The following PLEKHM2 variants were observed in gnomAD, a reference collection of about 807,000 sequenced individuals.
The protein encoded by PLEKHM2 is pleckstrin homology and RUN domain containing M2.
Under a neutral mutation model 116.3 loss-of-function variants are expected in PLEKHM2, and 77 were observed. The observed-to-expected ratio is 0.66, with a 90% CI of 0.55 to 0.80. The LOEUF is 0.80. Ranked by LOEUF, PLEKHM2 falls within the 30% of genes least tolerant of loss-of-function variation. The pLI, the probability that PLEKHM2 is intolerant of heterozygous loss-of-function variation, is 0.00. For missense variants in PLEKHM2, 1,183 were observed against 1,354.9 expected (o/e 0.87, Z 1.99); for synonymous variants, 562 against 571.0 (o/e 0.98, Z 0.22).
At chr1:15,732,587 C>T (rs1296457211) in intron 18 of PLEKHM2, 25 bp from the exon 19 acceptor site, 10 of 1,597,304 alleles carry the variant, frequency 6.3e-6, no homozygotes, top group South Asian at 1.1e-5. Context: ...TCTGGCTGCT[C>T]ACCCGGGGGC....
chr1:15,702,770 G>A lies in PLEKHM2; in HGVS notation c.61-13467G>A, dbSNP rs930926110. Among the ~76,000 whole-genome samples, 5 of 143,702 alleles carry A rather than the reference G, an allele frequency of 3.5e-5. No individual in the cohort carries two copies. In the East Asian group the frequency reaches 1.0e-3, roughly 29 times the overall value. The allele number at this position is 143,702 out of a possible 152,430, so 94.3% of individuals were successfully genotyped here. On this transcript the variant is annotated intron_variant, in intron 1 of 19. Transcript: ENST00000375799. ...GGGTCTCACTCTGTTGCCCAGGCTG[G>A]AGTACAGAGGTGTGATCATGGCACA...
At chr1:15,692,189 T>C (rs1640902494) in intron 1 of PLEKHM2, among the ~76,000 whole-genome samples, 1 of 152,168 alleles carries the variant, frequency 6.6e-6, no homozygotes, top group Admixed American at 6.5e-5. Flanking sequence ...GTAAAAATTG[T>C]ATTGACTATT....
At position 15,684,587 on chromosome 1, in the gene PLEKHM2, T is replaced by A; in HGVS notation, c.29T>A (p.Ile10Asn). 2 of 1,312,980 alleles carry A rather than the reference T, an allele frequency of 1.5e-6. No homozygotes were observed. The highest frequency in any genetic ancestry group is 2.0e-6 in the Non-Finnish European group (2 of 1,017,852). The allele number at this position is 1,312,980 out of a possible 1,614,324, so 81.3% of individuals were successfully genotyped here. Residue 10 changes from isoleucine (I) to asparagine (N), a missense_variant, in exon 1 of 20, where the codon ATC becomes AAC. This residue lies in a region of PLEKHM2 where 217 missense variants were observed against 277.6 expected (regional missense o/e 0.78). Transcript: ENST00000375799. MEPGEVKDRILENISLSVKK... is the reference protein window; with the variant it reads MEPGEVKDRNLENISLSVKK... ...GAGCCGGGGGAGGTGAAGGACCGGA[T>A]CCTGGAGAACATCTCGCTGTCGGTG... is the stretch of plus-strand genomic sequence containing the variant.
Position 15,734,347 on chromosome 1 carries a change from C to T in PLEKHM2, c.*413C>T. On this transcript the variant is annotated 3_prime_UTR_variant, in exon 20 of 20. Coordinates refer to ENST00000375799, the MANE Select transcript of PLEKHM2 (RefSeq NM_015164.4). ...GGGTTGGGGGCTGGGGCCCTGAGTG[C>T]CCAGCCATCCTTGTTCGTGTTTGAA... The T allele has an allele frequency of 5.6e-6, 1 of 178,568 alleles. No individual in the cohort carries two copies. Among genetic ancestry groups the T allele is most frequent in the Non-Finnish European group, 1.2e-5 (1 of 85,566 alleles). 11.1% of individuals were successfully genotyped at this position (178,568 alleles called of 1,614,324 possible).
rs1436478305 is a variant in PLEKHM2 at position 15,729,986 on chromosome 1, C to T, written c.2208+57C>T. On this transcript the variant is annotated intron_variant, in intron 14 of 19. Coordinates refer to ENST00000375799, the MANE Select transcript of PLEKHM2 (RefSeq NM_015164.4). This position sits in a 1 kb window ranked among gnomAD's most constrained non-coding sequence, Gnocchi z 4.7. ...CCCTGAGATGGCAGAGCAGCAGCCGCCTTGGCGTGAGCGTTAAGGGATGCA... is the reference window on the plus strand; with the variant it reads ...CCCTGAGATGGCAGAGCAGCAGCCGTCTTGGCGTGAGCGTTAAGGGATGCA... The T allele has an allele frequency of 7.2e-7, 1 of 1,396,562 alleles. No individual in the cohort carries two copies. The highest frequency in any genetic ancestry group is 9.6e-7 in the Non-Finnish European group (1 of 1,046,646). The allele number at this position is 1,396,562 out of a possible 1,614,324, so 86.5% of individuals were successfully genotyped here.
intron 1 of PLEKHM2, among the ~76,000 whole-genome samples, chr1:15,695,214 C>G (rs1397551917): frequency 6.6e-6 from 1 of 152,102 alleles, no homozygotes; most frequent in Non-Finnish European, 1.5e-5. Flanking sequence ...TCTGAGAAAC[C>G]CAATATTATG....
In PLEKHM2 at chr1:15,721,038, T is replaced by C. The variant is rs1009525837; in HGVS notation, c.653-291T>C. The C allele has an allele frequency of 2.1e-5, 8 of 378,756 alleles. No homozygotes were observed. The highest frequency in any genetic ancestry group is 4.6e-5 in the Admixed American group (1 of 21,854). 23.5% of individuals were successfully genotyped at this position (378,756 alleles called of 1,614,324 possible). On this transcript the variant is annotated intron_variant, in intron 6 of 19. Coordinates refer to ENST00000375799, the MANE Select transcript of PLEKHM2 (RefSeq NM_015164.4). The surrounding 1 kb of genome is among the most constrained non-coding windows in gnomAD (Gnocchi z 5.1). ...GCACGTAAGAGGTAGAAAACAAAGC[T>C]AGGCACAGGCAGCCAGGCTTCTCTC...
chr1:15,700,694 C>A (rs1268781082), intron 1 of PLEKHM2, among the ~76,000 whole-genome samples: 1 of 152,194 alleles, frequency 6.6e-6, no homozygotes, highest in Admixed American at 6.5e-5. Context: ...TCTAAGGGCT[C>A]TTCTGCTCTT....
intron 1 of PLEKHM2, among the ~76,000 whole-genome samples, chr1:15,701,880 G>A (rs1471150900): frequency 6.6e-5 from 10 of 152,180 alleles, no homozygotes; most frequent in African/African-American, 4.8e-5. Context: ...GATGGATGTC[G>A]AGCACTGGCC....
intron 15 of PLEKHM2, 91 bp from the exon 16 acceptor site, chr1:15,731,101 A>G (rs191101582): frequency 2.2e-6 from 2 of 903,450 alleles, no homozygotes; most frequent in Admixed American, 2.0e-5. Flanking sequence ...TGGCCGCAGC[A>G]TGTGCGTGGG....
chr1:15,719,596 T>C lies in PLEKHM2; in HGVS notation c.466-138T>C, dbSNP rs942401782. ...ATTCACATTGCTCTTCTTAGCAGCT[T>C]TTCTTTGAATTTACTACCTTAAGCC... On this transcript the variant is annotated intron_variant, in intron 5 of 19. Coordinates refer to ENST00000375799, the MANE Select transcript of PLEKHM2 (RefSeq NM_015164.4). This position sits in a 1 kb window ranked among gnomAD's most constrained non-coding sequence, Gnocchi z 4.1. The C allele has an allele frequency of 2.0e-5, 12 of 593,216 alleles. No individual in the cohort carries two copies. The African/African-American group carries it at 2.2e-4, about 11-fold the overall frequency. The allele number at this position is 593,216 out of a possible 1,614,324, so 36.7% of individuals were successfully genotyped here.
Position 15,729,856 on chromosome 1 carries a change from C to G in PLEKHM2, c.2135C>G (p.Pro712Arg). The G allele has an allele frequency of 6.2e-7, 1 of 1,613,094 alleles. No homozygotes were observed. The highest frequency in any genetic ancestry group is 8.5e-7 in the Non-Finnish European group (1 of 1,179,370). Reference sequence around the variant, plus strand: ...AAAGGCTGTCGAGAACCTCCCTACCCCAGCATCCTGACGGATGCCACCATG... The same window carrying G: ...AAAGGCTGTCGAGAACCTCCCTACCGCAGCATCCTGACGGATGCCACCATG... ...MIKGCREPPYPSILTDATMEK... is the reference protein window; with the variant it reads ...MIKGCREPPYRSILTDATMEK... Residue 712 changes from proline (P) to arginine (R), a missense_variant, in exon 14 of 20, where the codon CCC (proline) becomes CGC (arginine). By Grantham distance (103) the Pro-to-Arg change is moderately radical (BLOSUM62 -2). Around this residue, in one of 3 missense-constraint regions of PLEKHM2, gnomAD observed 594 missense variants for 720.1 expected, o/e 0.82. Coordinates refer to ENST00000375799, the MANE Select transcript of PLEKHM2 (RefSeq NM_015164.4). This position sits in a 1 kb window ranked among gnomAD's most constrained non-coding sequence, Gnocchi z 4.7.
At chr1:15,698,952 C>T (rs1641056329) in intron 1 of PLEKHM2, among the ~76,000 whole-genome samples, 1 of 152,096 alleles carries the variant, frequency 6.6e-6, no homozygotes, top group South Asian at 2.1e-4. Context: ...CTCTATAATT[C>T]ACTATAATTT....
At chr1:15,697,063 G>A (rs1205367608) in intron 1 of PLEKHM2, among the ~76,000 whole-genome samples, 2 of 152,124 alleles carry the variant, frequency 1.3e-5, no homozygotes, top group Non-Finnish European at 2.9e-5. Context: ...TGGTGGTGTA[G>A]GCACAGGAGA....
chr1:15,728,758 C>A lies in PLEKHM2; in HGVS notation c.1986+25C>A. 1.3e-6 allele frequency: 2 copies of A among 1,588,158 alleles called. No individual in the cohort carries two copies. Among genetic ancestry groups the A allele is most frequent in the Non-Finnish European group, 1.7e-6 (2 of 1,164,432 alleles). On this transcript the variant is annotated intron_variant, in intron 12 of 19. Coordinates refer to ENST00000375799, the MANE Select transcript of PLEKHM2 (RefSeq NM_015164.4). The surrounding 1 kb of genome is among the most constrained non-coding windows in gnomAD (Gnocchi z 5.9). ...GGTGAGTCCAGGCCCCGCAGTTGTG[C>A]GCCTGCTGTAGGTACAGGGCTTCTC...
Position 15,719,815 on chromosome 1 carries a change from C to G in PLEKHM2, c.547C>G (p.Pro183Ala), listed in dbSNP as rs2067965013. The change falls in exon 6 of 20, where the codon CCC becomes GCC. Residue 183 changes from proline to alanine, a missense_variant. Coordinates refer to ENST00000375799, the MANE Select transcript of PLEKHM2 (RefSeq NM_015164.4). The surrounding 1 kb of genome is among the most constrained non-coding windows in gnomAD (Gnocchi z 4.1). Reference protein sequence around the residue: ...QYLLDFEDRLPSSVHGSDSLS... With the variant: ...QYLLDFEDRLASSVHGSDSLS... ...CCTGCTGGACTTTGAAGACCGCCTT[C>G]CCAGCTCGGTCCACGGCTCAGACAG... 7 of 1,613,704 alleles carry G rather than the reference C, an allele frequency of 4.3e-6. No individual in the cohort carries two copies. The highest frequency in any genetic ancestry group is 5.9e-6 in the Non-Finnish European group (7 of 1,179,798).
At chr1:15,703,811 G>A (rs897091515) in intron 1 of PLEKHM2, among the ~76,000 whole-genome samples, 3 of 152,202 alleles carry the variant, frequency 2.0e-5, no homozygotes, top group Non-Finnish European at 4.4e-5. Flanking sequence ...GTGACGCCCA[G>A]CCTTCCCAGA....
At chr1:15,696,263 G>C (rs1221355429) in intron 1 of PLEKHM2, among the ~76,000 whole-genome samples, 1 of 152,170 alleles carries the variant, frequency 6.6e-6, no homozygotes, top group Non-Finnish European at 1.5e-5. Flanking sequence ...CCATGGTGTT[G>C]GTCTTGAAGT....
chr1:15,711,948 A>G lies in PLEKHM2; in HGVS notation c.61-4289A>G, dbSNP rs193290852. On this transcript the variant is annotated intron_variant, in intron 1 of 19. Coordinates refer to ENST00000375799, the MANE Select transcript of PLEKHM2 (RefSeq NM_015164.4). The stretch of plus-strand genomic sequence containing the variant: ...AGCCTGACCAACATGGAGAAACCCC[A>G]TCTCTACTAAAAGTACAAAATTAGC... Among the ~76,000 whole-genome samples the G allele has an allele frequency of 5.2e-3, 793 of 151,984 alleles. 15 individuals are homozygous for G. Among genetic ancestry groups the G allele is most frequent in the African/African-American group, 0.018 (761 of 41,444 alleles).
Sources: gnomAD v4.1 joint callset for allele counts (sites outside exome capture counted in the v4.1 genomes callset) on GRCh38, gnomAD v4.1.1 for gene constraint, gnomAD v4.1.1 regional missense constraint, Gnocchi (gnomAD v3.1) non-coding constraint, MANE v1.5 for transcripts, NCBI Gene and HGNC (gene_info 2026-07-23, HGNC 2026-07-21) for gene names.